Variants in KLHL29 observed in about 807,000 individuals in gnomAD.
KLHL29 encodes the protein kelch like family member 29.
A neutral mutation model predicts 80.4 loss-of-function variants in KLHL29; 21 were observed. The observed-to-expected ratio is 0.26, with a 90% CI of 0.19 to 0.38. KLHL29 has a LOEUF of 0.38. KLHL29 is among the 10% of genes least tolerant of loss of function. The probability of loss-of-function intolerance (pLI) is 1.00; values close to 1 mark genes in which losing one functional copy is unlikely to be tolerated. For missense variants in KLHL29, 867 were observed against 1,223.9 expected (o/e 0.71, Z 4.35); for synonymous variants, 511 against 526.8 (o/e 0.97, Z 0.41).
At chr2:23,532,659 G>T (rs1011358289) in intron 2 of KLHL29, 1 of 456,684 alleles carries the variant, frequency 2.2e-6, no homozygotes, top group Admixed American at 2.3e-5. Flanking sequence ...CCTGGGCGGT[G>T]GGGAGCTCAC....
Position 23,695,784 on chromosome 2 carries a change from G to A in KLHL29, c.1704G>A (p.Glu568=). The A allele has an allele frequency of 7.7e-6, 12 of 1,551,132 alleles. No individual in the cohort carries two copies. Among genetic ancestry groups the A allele is most frequent in the Non-Finnish European group, 9.6e-6 (11 of 1,146,956 alleles). Residue 568 remains glutamate, a synonymous_variant, in exon 9 of 14, where the codon GAG becomes GAA. Transcript: ENST00000486442. This position sits in a 1 kb window ranked among gnomAD's most constrained non-coding sequence, Gnocchi z 7.6. ...RYHMLPHARQ[E]MQTPRTRPRL... is the part of the protein sequence containing the mutation. The stretch of plus-strand genomic sequence containing the variant: ...ATATGCTGCCCCACGCCCGCCAGGA[G>A]ATGCAGACGCCCCGAACCCGGCCGC...
In KLHL29 at chr2:23,632,824, C is replaced by T. The variant is rs1001317226; in HGVS notation, c.286-6315C>T. 7.2e-5 allele frequency among the ~76,000 whole-genome samples: 11 copies of T among 152,252 alleles called. No individual in the cohort carries two copies. The South Asian group carries it at 1.2e-3, about 17-fold the overall frequency. On this transcript the variant is annotated intron_variant, in intron 3 of 13. Transcript: ENST00000486442. ...ATTCCTCTGCCACCAGCCTCTGCAGCGCATGGACTCGGAGCAGTGCTGGCC... is the reference window on the plus strand; with the variant it reads ...ATTCCTCTGCCACCAGCCTCTGCAGTGCATGGACTCGGAGCAGTGCTGGCC...
At position 23,642,650 on chromosome 2, in the gene KLHL29, C is replaced by A; in HGVS notation, c.740C>A (p.Pro247Gln). ...TLPGVGQVAR[P>Q]GPTAVGNGHM... ...CCCGGTGTGGGGCAGGTGGCCCGCCCAGGACCCACCGCTGTGGGCAACGGC... is the reference window on the plus strand; with the variant it reads ...CCCGGTGTGGGGCAGGTGGCCCGCCAAGGACCCACCGCTGTGGGCAACGGC... The change falls in exon 5 of 14, where the codon CCA (proline) becomes CAA (glutamine). Residue 247 changes from proline to glutamine, a missense_variant. By Grantham distance (76) the Pro-to-Gln change is moderately conservative. Transcript: ENST00000486442. 1 of 1,548,834 alleles carries A rather than the reference C, an allele frequency of 6.5e-7. No individual in the cohort carries two copies. The highest frequency in any genetic ancestry group is 8.7e-7 in the Non-Finnish European group (1 of 1,146,042).
chr2:23,463,352 A>G (rs1377430473), intron 1 of KLHL29, among the ~76,000 whole-genome samples: 1 of 152,038 alleles, frequency 6.6e-6, no homozygotes, highest in African/African-American at 2.4e-5. Context: ...TTTATACTAC[A>G]TCATATTTGT....
intron 2 of KLHL29, among the ~76,000 whole-genome samples, chr2:23,552,761 C>CTTTTCTTTTTTTTT (rs71400590): frequency 2.1e-5 from 2 of 95,544 alleles, no homozygotes; most frequent in African/African-American, 9.4e-5. Context: ...GGTTTCTTTT[C>CTTTTCTTTTTTTTT]TTTTTTTTTT....
intron 2 of KLHL29, among the ~76,000 whole-genome samples, chr2:23,560,121 G>A (rs943573874): frequency 1.1e-4 from 17 of 152,210 alleles, no homozygotes; most frequent in Non-Finnish European, 2.1e-4. Context: ...AGGCCACAGC[G>A]GAGCAGGTCA....
At chr2:23,489,010 G>T (rs1665013648) in intron 2 of KLHL29, among the ~76,000 whole-genome samples, 1 of 152,244 alleles carries the variant, frequency 6.6e-6, no homozygotes, top group Non-Finnish European at 1.5e-5. Flanking sequence ...ACAGGACTTT[G>T]CATGCCCTGG....
intron 3 of KLHL29, among the ~76,000 whole-genome samples, chr2:23,637,821 G>A (rs570410680): frequency 2.2e-4 from 34 of 152,134 alleles, no homozygotes; most frequent in Admixed American, 1.1e-3. Flanking sequence ...AGAAGTCACC[G>A]TGAGGACCAT....
At chr2:23,390,506 A>T (rs368782306) in intron 1 of KLHL29, among the ~76,000 whole-genome samples, 2 of 151,844 alleles carry the variant, frequency 1.3e-5, no homozygotes, top group Non-Finnish European at 2.9e-5. Flanking sequence ...TTTTAAGGAT[A>T]TATGTATGTG....
At chr2:23,419,644 A>T (rs1662726794) in intron 1 of KLHL29, among the ~76,000 whole-genome samples, 1 of 152,098 alleles carries the variant, frequency 6.6e-6, no homozygotes, top group Admixed American at 6.5e-5. Context: ...TCCCTGAAAA[A>T]TGTCGAGCGG....
intron 1 of KLHL29, among the ~76,000 whole-genome samples, chr2:23,425,109 TA>T (rs1297516907): frequency 2.6e-5 from 4 of 152,216 alleles, no homozygotes; most frequent in African/African-American, 4.8e-5. Flanking sequence ...TGAACGTTAT[TA>T]AAAAATGGTC....
At chr2:23,619,785 A>G (rs1203557740) in intron 3 of KLHL29, among the ~76,000 whole-genome samples, 1 of 152,180 alleles carries the variant, frequency 6.6e-6, no homozygotes, top group Non-Finnish European at 1.5e-5. Flanking sequence ...TTAAGTCCAG[A>G]CTGCTTCATC....
chr2:23,634,336 G>C (rs1669552318), intron 3 of KLHL29, among the ~76,000 whole-genome samples: 1 of 152,200 alleles, frequency 6.6e-6, no homozygotes, highest in African/African-American at 2.4e-5. Flanking sequence ...AGTGGACTCT[G>C]AAGCCTGTCT....
At chr2:23,706,151 C>T (rs1320651853) in intron 13 of KLHL29, among the ~76,000 whole-genome samples, 1 of 152,242 alleles carries the variant, frequency 6.6e-6, no homozygotes, top group Non-Finnish European at 1.5e-5. Flanking sequence ...GTGTGCCACA[C>T]AAGAGCCTCC....
At chr2:23,428,126 G>C (rs1469430734) in intron 1 of KLHL29, among the ~76,000 whole-genome samples, 2 of 152,228 alleles carry the variant, frequency 1.3e-5, no homozygotes, top group African/African-American at 4.8e-5. Flanking sequence ...CAGAGCACCT[G>C]CCGCATGGCC....
At chr2:23,595,275 A>G (rs552340701) in intron 3 of KLHL29, among the ~76,000 whole-genome samples, 1 of 152,326 alleles carries the variant, frequency 6.6e-6, no homozygotes, top group Non-Finnish European at 1.5e-5. Flanking sequence ...TTGCCTTTCC[A>G]TGTATTATAA....
At chr2:23,444,959 T>C (rs1312476057) in intron 1 of KLHL29, among the ~76,000 whole-genome samples, 1 of 152,216 alleles carries the variant, frequency 6.6e-6, no homozygotes, top group East Asian at 1.9e-4. Flanking sequence ...ATATAAAACA[T>C]TATATAGCAG....
intron 2 of KLHL29, among the ~76,000 whole-genome samples, chr2:23,493,890 A>G (rs1172295715): frequency 6.6e-6 from 1 of 152,220 alleles, no homozygotes; most frequent in Non-Finnish European, 1.5e-5. Flanking sequence ...AATATTGGAG[A>G]TAATTATTTG....
chr2:23,706,432 C>T, intron 13 of KLHL29, 49 bp from the exon 14 acceptor site: 1 of 1,374,086 alleles, frequency 7.3e-7, no homozygotes, highest in Non-Finnish European at 9.5e-7. Context: ...ATCTCCAGGG[C>T]CAAGTTGGAA....
Sources: allele counts gnomAD v4.1 joint callset (sites outside exome capture counted in the v4.1 genomes callset), GRCh38; gene constraint gnomAD v4.1.1; non-coding constraint Gnocchi (gnomAD v3.1); transcripts MANE v1.5; gene names NCBI Gene and HGNC (gene_info 2026-07-23, HGNC 2026-07-21).